The following SCAPER variants were observed in gnomAD, a reference collection of about 807,000 sequenced individuals.
SCAPER encodes S phase cyclin A-associated protein in the endoplasmic reticulum.
A neutral mutation model predicts 182.2 loss-of-function variants in SCAPER; 98 were observed. The ratio of observed to expected loss-of-function variants is 0.54; its 90% CI spans 0.46 to 0.64. The LOEUF is 0.64. SCAPER is among the 30% of genes least tolerant of loss of function. The pLI is 0.00. For missense variants in SCAPER, 1,432 were observed against 1,690.0 expected, an observed-to-expected ratio of 0.85 and a Z score of 2.68; for synonymous variants, 605 against 564.6, an observed-to-expected ratio of 1.07 and a Z score of -1.01.
intron 22 of SCAPER, among the ~76,000 whole-genome samples, chr15:76,610,653 G>T (rs541889620): frequency 6.6e-6 from 1 of 151,662 alleles, no homozygotes; most frequent in East Asian, 1.9e-4. Context: ...CTATCTAAAA[G>T]GGAAATTGGA....
Position 76,795,458 on chromosome 15 carries a change from C to A in SCAPER, c.612-18G>T. The A allele has an allele frequency of 1.3e-6, 2 of 1,483,422 alleles. No homozygotes were observed. The highest frequency in any genetic ancestry group is 1.5e-5 in the South Asian group (1 of 68,960). The allele number at this position is 1,483,422 out of a possible 1,614,324, so 91.9% of individuals were successfully genotyped here. A position where few individuals can be genotyped will look rare whatever the true frequency, so the allele number is the denominator to read the frequency against. ...TTGAACCTCTATGGAGAAAAATAAACACATTTAATAAATTAAATATAAAAG... is the reference window on the plus strand; with the variant it reads ...TTGAACCTCTATGGAGAAAAATAAAAACATTTAATAAATTAAATATAAAAG... On this transcript the variant is annotated intron_variant, in intron 7 of 31. Coordinates refer to ENST00000563290, the MANE Select transcript of SCAPER (RefSeq NM_020843.4).
chr15:76,390,820 G>T (rs1339019742), intron 27 of SCAPER, among the ~76,000 whole-genome samples: 1 of 152,186 alleles, frequency 6.6e-6, no homozygotes, highest in African/African-American at 2.4e-5. Context: ...CCAAGTAAAG[G>T]TAATTGCTTC....
chr15:76,714,774 A>G (rs1464433661), intron 17 of SCAPER, among the ~76,000 whole-genome samples: 2 of 152,202 alleles, frequency 1.3e-5, no homozygotes, highest in Non-Finnish European at 2.9e-5. Flanking sequence ...AAAAACCTTG[A>G]AAATTAGTTA....
chr15:76,649,308 T>C (rs1308902082), intron 21 of SCAPER, among the ~76,000 whole-genome samples: 2 of 152,048 alleles, frequency 1.3e-5, no homozygotes, highest in Non-Finnish European at 2.9e-5. Flanking sequence ...GGCATGCCTG[T>C]AGTACCAGCC....
At chr15:76,600,148 A>G (rs2049803762) in intron 22 of SCAPER, among the ~76,000 whole-genome samples, 1 of 120,958 alleles carries the variant, frequency 8.3e-6, no homozygotes, top group African/African-American at 2.5e-5. Context: ...ATTCTTTCCA[A>G]CTTTTCTGAA....
chr15:76,476,007 C>A (rs1336597174), intron 24 of SCAPER, among the ~76,000 whole-genome samples: 2 of 152,148 alleles, frequency 1.3e-5, no homozygotes, highest in Non-Finnish European at 2.9e-5. Context: ...CAGAGACAAT[C>A]CGAGCATGGA....
At position 76,348,645 on chromosome 15, in the gene SCAPER, T is replaced by G. The variant is rs1219884558; in HGVS notation, c.4191A>C (p.Lys1397Asn). 3.9e-6 allele frequency: 6 copies of G among 1,544,224 alleles called. No homozygotes were observed. The highest frequency in any genetic ancestry group is 5.2e-6 in the Non-Finnish European group (6 of 1,144,026). The change falls in exon 32 of 32, where the codon AAA (lysine) becomes AAC (asparagine). Residue 1397 changes from lysine to asparagine, a missense_variant. Physicochemically the swap from Lys to Asn is moderately conservative, Grantham distance 94. Around this residue, in one of 5 missense-constraint regions of SCAPER, gnomAD observed 718 missense variants for 799.7 expected, o/e 0.90. Transcript: ENST00000563290. ...TCAACCAAAACATTTATTTTTTCTC[T>G]TTTTTCAAGAAAAACTGTCGAGCTT... ...WEEARQFFLK[K>N]EKK is the part of the protein sequence containing the mutation.
intron 5 of SCAPER, among the ~76,000 whole-genome samples, chr15:76,825,878 G>A (rs2090355471): frequency 6.6e-6 from 1 of 152,098 alleles, no homozygotes. Context: ...CCAAGTAGCT[G>A]GGACTATAGA....
intron 23 of SCAPER, among the ~76,000 whole-genome samples, chr15:76,554,161 A>G (rs986429876): frequency 6.6e-6 from 1 of 152,244 alleles, no homozygotes; most frequent in Non-Finnish European, 1.5e-5. Context: ...GAGCTGAAAA[A>G]TACACTACAA....
chr15:76,639,004 T>C (rs2468123), intron 21 of SCAPER, among the ~76,000 whole-genome samples: 23,357 of 152,172 alleles, frequency 0.15, 2,016 homozygotes, highest in African/African-American at 0.24. Context: ...CTAGTGTATT[T>C]AGATCTAGAG....
At chr15:76,371,301 T>C (rs993880698) in intron 29 of SCAPER, among the ~76,000 whole-genome samples, 1 of 151,626 alleles carries the variant, frequency 6.6e-6, no homozygotes, top group Non-Finnish European at 1.5e-5. Flanking sequence ...TTCTACCTTA[T>C]AATATTTCTC....
intron 24 of SCAPER, among the ~76,000 whole-genome samples, chr15:76,481,567 C>T (rs1596916705): frequency 6.6e-6 from 1 of 152,208 alleles, no homozygotes; most frequent in Non-Finnish European, 1.5e-5. Context: ...GAAAATTACA[C>T]AAAAATATAG....
At chr15:76,679,768 G>T (rs542365119) in intron 20 of SCAPER, among the ~76,000 whole-genome samples, 62 of 152,154 alleles carry the variant, frequency 4.1e-4, no homozygotes, top group Non-Finnish European at 7.9e-4. Context: ...CTGGTAGGTG[G>T]CAATGATGAA....
intron 24 of SCAPER, 102 bp from the exon 25 acceptor site, chr15:76,471,437 A>G (rs530424566): frequency 1.4e-4 from 184 of 1,327,206 alleles, no homozygotes; most frequent in Middle Eastern, 2.1e-4. Flanking sequence ...CAGGCATGAG[A>G]TGGAAGTCAC....
intron 23 of SCAPER, among the ~76,000 whole-genome samples, chr15:76,538,323 C>T (rs1271589896): frequency 6.7e-6 from 1 of 149,080 alleles, no homozygotes; most frequent in African/African-American, 2.5e-5. Context: ...ACCCAAATGT[C>T]CAACAATGAT....
chr15:76,765,065 C>T lies in SCAPER; in HGVS notation c.1621G>A (p.Ala541Thr), dbSNP rs1429689788. 1.3e-6 allele frequency: 2 copies of T among 1,571,582 alleles called. No individual in the cohort carries two copies. Among genetic ancestry groups the T allele is most frequent in the East Asian group, 2.3e-5 (1 of 44,190 alleles). ...TCTTCATGTTTCTTCTTAGATTCTG[C>T]AATTGTTCTATTAATACAAACAAAT... ...LSSPSRKRTI[A>T]ESKKKHEEKQ... Residue 541 changes from alanine (A) to threonine (T), a missense_variant, in exon 14 of 32, where the codon GCA (alanine) becomes ACA (threonine). By Grantham distance (58) the Ala-to-Thr change is moderately conservative. Transcript: ENST00000563290.
At chr15:76,858,889 T>C (rs62029236) in intron 3 of SCAPER, among the ~76,000 whole-genome samples, 12,934 of 152,272 alleles carry the variant, frequency 0.085, 656 homozygotes, top group African/African-American at 0.13. Context: ...GCCATTTAGG[T>C]TGATTCCATG....
At chr15:76,361,539 G>A (rs1395680631) in intron 29 of SCAPER, among the ~76,000 whole-genome samples, 1 of 152,184 alleles carries the variant, frequency 6.6e-6, no homozygotes, top group African/African-American at 2.4e-5. Flanking sequence ...TGGGCTTTCT[G>A]GCCTAGAGTA....
chr15:76,773,224 T>C (rs2063564026), intron 9 of SCAPER, among the ~76,000 whole-genome samples: 1 of 151,954 alleles, frequency 6.6e-6, no homozygotes, highest in Non-Finnish European at 1.5e-5. Flanking sequence ...GACATTAATA[T>C]GCTAATTCCA....
Sources: gnomAD v4.1 joint callset for allele counts (sites outside exome capture counted in the v4.1 genomes callset) on GRCh38, gnomAD v4.1.1 for gene constraint, gnomAD v4.1.1 regional missense constraint, MANE v1.5 for transcripts, NCBI Gene and HGNC (gene_info 2026-07-23, HGNC 2026-07-21) for gene names.